NKAIN3: variants seen among roughly 807,000 people sequenced by gnomAD.
NKAIN3 encodes sodium/potassium-transporting ATPase subunit beta-1-interacting protein 3.
NKAIN3 carries 25 observed loss-of-function variants against 30.2 expected under a neutral mutation model. The ratio of observed to expected loss-of-function variants is 0.83; its 90% CI spans 0.60 to 1.16. The LOEUF is 1.16. NKAIN3 is among the 50% of genes most tolerant of loss of function. NKAIN3 has a pLI of 0.00. For synonymous variants in NKAIN3, 91 were observed against 89.6 expected, an observed-to-expected ratio of 1.02 and a Z score of -0.09; for missense variants, 225 against 254.1, an observed-to-expected ratio of 0.89 and a Z score of 0.78.
In NKAIN3 at chr8:62,557,030, C is replaced by A. The variant is rs369539619; in HGVS notation, c.55-22509C>A. 8.5e-4 allele frequency among the ~76,000 whole-genome samples: 129 copies of A among 152,060 alleles called. 1 individual carries two copies. In the Middle Eastern group the frequency reaches 0.02, roughly 24 times the overall value. ...AGTGGCGATTTGTGAGATTTTGGTG[C>A]ACCCATCACCTGAGCAGTATACACT... On this transcript the variant is annotated intron_variant, in intron 1 of 6. Transcript: ENST00000623646.
intron 1 of NKAIN3, among the ~76,000 whole-genome samples, chr8:62,392,496 C>T (rs991644008): frequency 1.3e-4 from 20 of 151,980 alleles, no homozygotes; most frequent in Non-Finnish European, 2.7e-4. Context: ...TTTACTTTGG[C>T]TATATTTATA....
chr8:62,480,736 T>A (rs1806693198), intron 1 of NKAIN3, among the ~76,000 whole-genome samples: 1 of 152,118 alleles, frequency 6.6e-6, no homozygotes, highest in Non-Finnish European at 1.5e-5. Context: ...CTTTCAGTCT[T>A]TCTTTAAAGC....
intron 3 of NKAIN3, among the ~76,000 whole-genome samples, chr8:62,699,498 C>T (rs765064735): frequency 4.6e-5 from 7 of 152,180 alleles, no homozygotes; most frequent in Non-Finnish European, 8.8e-5. Flanking sequence ...ATTGGACAAA[C>T]TTGCATATTG....
At chr8:62,437,324 T>C (rs576940781) in intron 1 of NKAIN3, among the ~76,000 whole-genome samples, 12 of 152,334 alleles carry the variant, frequency 7.9e-5, no homozygotes, top group Non-Finnish European at 1.5e-4. Context: ...AACGTAAGGC[T>C]TTATCACAAA....
At chr8:62,397,816 A>G (rs13268298) in intron 1 of NKAIN3, among the ~76,000 whole-genome samples, 3,736 of 152,264 alleles carry the variant, frequency 0.025, 80 homozygotes, top group Middle Eastern at 0.058. Context: ...AAGAAAGGCA[A>G]GCAGGAGGAG....
At chr8:62,636,280 A>G (rs1199390692) in intron 3 of NKAIN3, among the ~76,000 whole-genome samples, 1 of 152,192 alleles carries the variant, frequency 6.6e-6, no homozygotes, top group East Asian at 1.9e-4. Context: ...ATGATGAACT[A>G]TTAAATGAAG....
At chr8:62,858,319 C>T in intron 4 of NKAIN3, among the ~76,000 whole-genome samples, 1 of 152,136 alleles carries the variant, frequency 6.6e-6, no homozygotes, top group Middle Eastern at 3.2e-3. Flanking sequence ...AGGTCTCACC[C>T]AGTCAGAAGA....
intron 1 of NKAIN3, among the ~76,000 whole-genome samples, chr8:62,337,051 C>T (rs2351950): frequency 0.83 from 125,879 of 152,034 alleles, 53,789 homozygotes; most frequent in East Asian, 0.95. Flanking sequence ...CTCCCTCCCT[C>T]GGTAGTTGCA....
chr8:62,472,355 C>G (rs1250778665), intron 1 of NKAIN3, among the ~76,000 whole-genome samples: 1 of 152,140 alleles, frequency 6.6e-6, no homozygotes, highest in Non-Finnish European at 1.5e-5. Flanking sequence ...CAGGGGGAGT[C>G]AGCAAGCCAG....
At chr8:62,250,021 T>TTA (rs1235809997) in intron 1 of NKAIN3, among the ~76,000 whole-genome samples, 1 of 152,238 alleles carries the variant, frequency 6.6e-6, no homozygotes, top group Non-Finnish European at 1.5e-5. Flanking sequence ...CTCCCTTGCG[T>TTA]TATACTTCAG....
intron 1 of NKAIN3, among the ~76,000 whole-genome samples, chr8:62,349,696 A>G (rs1816122943): frequency 6.6e-6 from 1 of 152,110 alleles, no homozygotes; most frequent in Non-Finnish European, 1.5e-5. Flanking sequence ...TAGCTAGGCT[A>G]TTAAAGTCCG....
At chr8:62,677,306 C>T (rs762173899) in intron 3 of NKAIN3, among the ~76,000 whole-genome samples, 2 of 152,178 alleles carry the variant, frequency 1.3e-5, no homozygotes. Flanking sequence ...GTGCCATCCT[C>T]GGTGAACTCT....
chr8:62,354,306 T>TA (rs1278319801), intron 1 of NKAIN3, among the ~76,000 whole-genome samples: 3 of 152,258 alleles, frequency 2.0e-5, no homozygotes, highest in African/African-American at 7.2e-5. Context: ...CTGGAGAATA[T>TA]AGAGATTTTT....
intron 4 of NKAIN3, among the ~76,000 whole-genome samples, chr8:62,895,645 G>A (rs567953177): frequency 3.3e-5 from 5 of 152,240 alleles, no homozygotes; most frequent in South Asian, 2.1e-4. Flanking sequence ...TATCCTAGGC[G>A]GGGTATCTGT....
intron 1 of NKAIN3, among the ~76,000 whole-genome samples, chr8:62,253,060 C>T (rs1164129397): frequency 6.6e-6 from 1 of 152,200 alleles, no homozygotes; most frequent in Non-Finnish European, 1.5e-5. Flanking sequence ...TTCAATGTAA[C>T]TTTGGCATGT....
At chr8:62,831,281 TC>T (rs1416213973) in intron 4 of NKAIN3, among the ~76,000 whole-genome samples, 1 of 151,950 alleles carries the variant, frequency 6.6e-6, no homozygotes, top group Non-Finnish European at 1.5e-5. Context: ...AGTGCCAGCA[TC>T]CCCAGATGAG....
At position 62,839,784 on chromosome 8, in the gene NKAIN3, T is replaced by C. The variant is rs969617402; in HGVS notation, c.472-78669T>C. On this transcript the variant is annotated intron_variant, in intron 4 of 6. Coordinates refer to ENST00000623646, the MANE Select transcript of NKAIN3 (RefSeq NM_001304533.3). ...GTGTGTGCCACCATTCCTGGAAAATTTTTTACAAAAATTTTGTTAGGGTCT... is the reference window on the plus strand; with the variant it reads ...GTGTGTGCCACCATTCCTGGAAAATCTTTTACAAAAATTTTGTTAGGGTCT... 3.9e-5 allele frequency among the ~76,000 whole-genome samples: 6 copies of C among 151,948 alleles called. No individual in the cohort carries two copies. The South Asian group carries it at 1.2e-3, about 32-fold the overall frequency.
At chr8:62,412,918 A>AC (rs1337454633) in intron 1 of NKAIN3, among the ~76,000 whole-genome samples, 44 of 82,524 alleles carry the variant, frequency 5.3e-4, no homozygotes, top group African/African-American at 1.4e-3. Context: ...TCAAAAAAAA[A>AC]AAACAAAAAA....
intron 1 of NKAIN3, among the ~76,000 whole-genome samples, chr8:62,514,861 A>G (rs767248217): frequency 1.3e-5 from 2 of 152,140 alleles, no homozygotes; most frequent in Non-Finnish European, 2.9e-5. Flanking sequence ...GGCATCTCAC[A>G]TCTTTGAAAA....
Sources: allele counts gnomAD v4.1 joint callset (sites outside exome capture counted in the v4.1 genomes callset), GRCh38; gene constraint gnomAD v4.1.1; transcripts MANE v1.5; gene names NCBI Gene and HGNC (gene_info 2026-07-23, HGNC 2026-07-21).